NAALADL2: variants seen among roughly 807,000 people sequenced by gnomAD.
The protein encoded by NAALADL2 is N-acetylated alpha-linked acidic dipeptidase like 2.
Under a neutral mutation model 87.2 loss-of-function variants are expected in NAALADL2, and 76 were observed. The ratio of observed to expected loss-of-function variants is 0.87; its 90% CI spans 0.72 to 1.05. The LOEUF (loss-of-function observed/expected upper bound fraction) is 1.05, where lower values mean the gene tolerates loss of function less well. Ranked by LOEUF, NAALADL2 falls within the 50% of genes least tolerant of loss-of-function variation. The pLI, the probability that NAALADL2 is intolerant of heterozygous loss-of-function variation, is 0.00. For synonymous variants in NAALADL2, 354 were observed against 331.0 expected (o/e 1.07, Z -0.75); for missense variants, 1,089 against 945.8 (o/e 1.15, Z -1.99).
At chr3:174,539,550 G>A (rs924938143) in intron 1 of NAALADL2, among the ~76,000 whole-genome samples, 7 of 152,012 alleles carry the variant, frequency 4.6e-5, no homozygotes, top group Non-Finnish European at 8.8e-5. Context: ...CCTTTCTGGC[G>A]TTATTTCTTT....
chr3:174,624,475 T>G (rs1269703325), intron 2 of NAALADL2, among the ~76,000 whole-genome samples: 1 of 151,896 alleles, frequency 6.6e-6, no homozygotes, highest in East Asian at 1.9e-4. Flanking sequence ...AGTATGAAAA[T>G]TAGCCAGAAG....
chr3:174,605,672 C>A (rs1180614637), intron 2 of NAALADL2, among the ~76,000 whole-genome samples: 9 of 152,160 alleles, frequency 5.9e-5, no homozygotes, highest in Non-Finnish European at 1.2e-4. Flanking sequence ...GAAGCTCGAA[C>A]TGGGTGGAGC....
At chr3:175,481,657 G>A (rs1451138557) in intron 9 of NAALADL2, among the ~76,000 whole-genome samples, 3 of 151,842 alleles carry the variant, frequency 2.0e-5, no homozygotes, top group Non-Finnish European at 4.4e-5. Context: ...GCATGTTCAG[G>A]ACAGCTTTAT....
chr3:174,511,178 G>C (rs564079527), intron 1 of NAALADL2, among the ~76,000 whole-genome samples: 42 of 152,078 alleles, frequency 2.8e-4, no homozygotes, highest in Middle Eastern at 3.4e-3. Flanking sequence ...ATGTTAATTA[G>C]ATCAAGTCAG....
Position 174,953,790 on chromosome 3 carries a change from G to A in NAALADL2, c.43+94340G>A, listed in dbSNP as rs547298294. 4.6e-5 allele frequency among the ~76,000 whole-genome samples: 7 copies of A among 152,034 alleles called. No individual in the cohort carries two copies. In the South Asian group the frequency reaches 6.2e-4, roughly 14 times the overall value. On this transcript the variant is annotated intron_variant, in intron 1 of 13. Coordinates refer to ENST00000454872, the MANE Select transcript of NAALADL2 (RefSeq NM_207015.3). The stretch of plus-strand genomic sequence containing the variant: ...CCCAGAACAGCAAGAAAGGAGGTGC[G>A]TGACTACTCCATATTTCTATTGTTT...
intron 1 of NAALADL2, among the ~76,000 whole-genome samples, chr3:175,063,994 A>C (rs1016621428): frequency 6.6e-6 from 1 of 152,160 alleles, no homozygotes; most frequent in African/African-American, 2.4e-5. Flanking sequence ...GCTGTCACTT[A>C]ATAGTCAAAA....
At chr3:175,599,101 C>G (rs1179597871) in intron 10 of NAALADL2, among the ~76,000 whole-genome samples, 2 of 152,052 alleles carry the variant, frequency 1.3e-5, no homozygotes, top group Non-Finnish European at 2.9e-5. Context: ...ATTAGCAAAC[C>G]TAGCACCACT....
At chr3:174,883,980 A>G (rs539970614) in intron 1 of NAALADL2, among the ~76,000 whole-genome samples, 55 of 152,228 alleles carry the variant, frequency 3.6e-4, no homozygotes, top group East Asian at 9.7e-4. Context: ...GTCTGGGCCA[A>G]TCACCCCAGC....
rs562274081 is a variant in NAALADL2, at chr3:175,467,251, A to G, written c.1533+67A>G. 5.0e-6 allele frequency: 7 copies of G among 1,389,816 alleles called. No homozygotes were observed. The African/African-American group carries it at 5.8e-5, about 11-fold the overall frequency. The allele number at this position is 1,389,816 out of a possible 1,614,324, so 86.1% of individuals were successfully genotyped here. On this transcript the variant is annotated intron_variant, in intron 8 of 13. Coordinates refer to ENST00000454872, the MANE Select transcript of NAALADL2 (RefSeq NM_207015.3). ...TAGTTTGCTAAAGTAGACAAAGTAAAATTTTCAAAGCCAAGGGCAATAATG... is the reference window on the plus strand; with the variant it reads ...TAGTTTGCTAAAGTAGACAAAGTAAGATTTTCAAAGCCAAGGGCAATAATG...
At chr3:174,791,192 C>G (rs903145094) in intron 3 of NAALADL2, among the ~76,000 whole-genome samples, 1 of 152,170 alleles carries the variant, frequency 6.6e-6, no homozygotes, top group Non-Finnish European at 1.5e-5. Context: ...CAGTACCCCT[C>G]TTATATGTGG....
intron 9 of NAALADL2, among the ~76,000 whole-genome samples, chr3:175,510,235 T>G (rs1300326606): frequency 6.6e-6 from 1 of 152,112 alleles, no homozygotes; most frequent in Non-Finnish European, 1.5e-5. Flanking sequence ...TATCATGAGC[T>G]CACTCACTGT....
chr3:175,759,062 A>G (rs1320795385), intron 13 of NAALADL2, among the ~76,000 whole-genome samples: 3 of 152,166 alleles, frequency 2.0e-5, no homozygotes, highest in Non-Finnish European at 4.4e-5. Context: ...TAATATTCCC[A>G]ATGATCTGGA....
intron 1 of NAALADL2, among the ~76,000 whole-genome samples, chr3:174,527,708 T>C (rs1378778918): frequency 6.6e-6 from 1 of 152,042 alleles, no homozygotes; most frequent in East Asian, 1.9e-4. Context: ...GAGGCAGAAA[T>C]TTACATGGAT....
At chr3:175,243,097 A>ACACG (rs1560218698) in intron 3 of NAALADL2, among the ~76,000 whole-genome samples, 1 of 131,770 alleles carries the variant, frequency 7.6e-6, no homozygotes, top group African/African-American at 2.7e-5. Context: ...ACACACACGC[A>ACACG]CACACACACA....
intron 1 of NAALADL2, among the ~76,000 whole-genome samples, chr3:175,041,310 T>C (rs1200433097): frequency 6.6e-6 from 1 of 152,192 alleles, no homozygotes; most frequent in Admixed American, 6.6e-5. Context: ...ATTTACAAGC[T>C]GAGGTGGAGG....
chr3:174,917,121 C>T (rs779099254), intron 1 of NAALADL2, among the ~76,000 whole-genome samples: 42 of 151,702 alleles, frequency 2.8e-4, no homozygotes, highest in Non-Finnish European at 4.6e-4. Flanking sequence ...TCAGCAATTC[C>T]GATTTTAAAG....
intron 1 of NAALADL2, among the ~76,000 whole-genome samples, chr3:175,060,465 G>A (rs924863608): frequency 2.0e-4 from 31 of 152,154 alleles, no homozygotes; most frequent in African/African-American, 4.6e-4. Context: ...TACATTTGAC[G>A]GATAGGCATT....
intron 4 of NAALADL2, among the ~76,000 whole-genome samples, chr3:175,313,837 G>A (rs1184392064): frequency 6.6e-6 from 1 of 152,092 alleles, no homozygotes; most frequent in Non-Finnish European, 1.5e-5. Flanking sequence ...GGCCTAGGCA[G>A]GTGGATCACG....
chr3:174,875,190 C>T lies in NAALADL2; in HGVS notation c.43+15740C>T, dbSNP rs528582015. Among the ~76,000 whole-genome samples, 39 of 145,388 alleles carry T rather than the reference C, an allele frequency of 2.7e-4. No individual in the cohort carries two copies. In the South Asian group the frequency reaches 8.2e-3, roughly 31 times the overall value. On this transcript the variant is annotated intron_variant, in intron 1 of 13. Transcript: ENST00000454872. ...AATATAATTCAGTCATCCAATTTAA[C>T]GAACACATTTAGTTCATGTTATCAA... is the stretch of plus-strand genomic sequence containing the variant.
Sources: gnomAD v4.1 joint callset for allele counts (sites outside exome capture counted in the v4.1 genomes callset) on GRCh38, gnomAD v4.1.1 for gene constraint, MANE v1.5 for transcripts, NCBI Gene and HGNC (gene_info 2026-07-23, HGNC 2026-07-21) for gene names.